The following SEC63 variants were observed in gnomAD, a reference collection of about 807,000 sequenced individuals.
SEC63 encodes the protein translocation protein SEC63 homolog.
SEC63 carries 56 observed loss-of-function variants against 116.2 expected under a neutral mutation model. The observed-to-expected ratio is 0.48, with a 90% CI of 0.39 to 0.60. The LOEUF (loss-of-function observed/expected upper bound fraction) is 0.60. Among genes scored for constraint, SEC63 ranks in the 20% least tolerant of loss-of-function variants. The pLI is 0.00. For missense variants in SEC63, 668 were observed against 900.0 expected, an observed-to-expected ratio of 0.74 and a Z score of 3.30; for synonymous variants, 273 against 294.6, an observed-to-expected ratio of 0.93 and a Z score of 0.75.
intron 1 of SEC63, among the ~76,000 whole-genome samples, chr6:107,931,610 G>A (rs981400647): frequency 3.6e-4 from 54 of 151,628 alleles, no homozygotes; most frequent in African/African-American, 1.3e-3. Flanking sequence ...TTAGCCAGGC[G>A]TGGTGGCACG....
chr6:107,886,939 T>C (rs1305995955), intron 16 of SEC63, among the ~76,000 whole-genome samples: 1 of 152,112 alleles, frequency 6.6e-6, no homozygotes, highest in African/African-American at 2.4e-5. Context: ...TTTAGTGTTT[T>C]AGTCAAGAAG....
intron 1 of SEC63, among the ~76,000 whole-genome samples, chr6:107,957,015 A>G (rs888566620): frequency 2.6e-5 from 4 of 152,250 alleles, no homozygotes; most frequent in African/African-American, 9.6e-5. Context: ...ATCAGCTTTA[A>G]GAATACCATC....
chr6:107,881,972 T>C (rs1448951112), intron 17 of SEC63, among the ~76,000 whole-genome samples: 1 of 152,194 alleles, frequency 6.6e-6, no homozygotes, highest in Non-Finnish European at 1.5e-5. Context: ...GAGTCACTGC[T>C]ACTTACCCTA....
At chr6:107,883,680 G>A (rs755296184) in intron 16 of SEC63, among the ~76,000 whole-genome samples, 5 of 150,748 alleles carry the variant, frequency 3.3e-5, no homozygotes, top group East Asian at 1.9e-4. Flanking sequence ...GGTGGTACAC[G>A]TCTGTAGTCC....
chr6:107,915,333 T>C (rs546053921), intron 4 of SEC63, among the ~76,000 whole-genome samples: 6 of 152,218 alleles, frequency 3.9e-5, no homozygotes, highest in African/African-American at 1.4e-4. Context: ...CACATAAATT[T>C]TGTATACAAT....
chr6:107,924,281 T>C (rs1212429941), intron 3 of SEC63, among the ~76,000 whole-genome samples: 4 of 141,826 alleles, frequency 2.8e-5, no homozygotes, highest in African/African-American at 1.1e-4. Context: ...AAAAAAGCCT[T>C]TAAAAAATGT....
At position 107,881,226 on chromosome 6, in the gene SEC63, T is replaced by C. The variant is rs1481625810; in HGVS notation, c.1858A>G (p.Ile620Val). The C allele has an allele frequency of 6.2e-7, 1 of 1,612,874 alleles. No homozygotes were observed. Among genetic ancestry groups the C allele is most frequent in the Non-Finnish European group, 8.5e-7 (1 of 1,179,456 alleles). ...EAEWQELQQS[I>V]QRKERALLET... Reference sequence around the variant, plus strand: ...AATAGAGCTCTCTCTTTTCGCTGTATGCTTTGTTGTAATTCTTGCCACTCC... The same window carrying C: ...AATAGAGCTCTCTCTTTTCGCTGTACGCTTTGTTGTAATTCTTGCCACTCC... The change falls in exon 18 of 21, where the codon ATA (isoleucine) becomes GTA (valine). Residue 620 changes from isoleucine to valine, a missense_variant. Transcript: ENST00000369002.
intron 1 of SEC63, among the ~76,000 whole-genome samples, chr6:107,947,135 A>G (rs1770495261): frequency 6.6e-6 from 1 of 152,116 alleles, no homozygotes; most frequent in Non-Finnish European, 1.5e-5. Context: ...CCCTATCTCT[A>G]CAAAAATTAT....
At chr6:107,910,333 G>A (rs1401167994) in intron 7 of SEC63, among the ~76,000 whole-genome samples, 1 of 152,102 alleles carries the variant, frequency 6.6e-6, no homozygotes, top group Non-Finnish European at 1.5e-5. Context: ...AGGGCATGGT[G>A]GTACACACTT....
intron 3 of SEC63, among the ~76,000 whole-genome samples, chr6:107,922,751 C>A (rs1201570304): frequency 6.6e-6 from 1 of 151,824 alleles, no homozygotes; most frequent in African/African-American, 2.4e-5. Context: ...ATGATCAATG[C>A]AATAAGAAAA....
chr6:107,872,848 G>A lies in SEC63; in HGVS notation c.2099C>T (p.Ser700Leu). The A allele has an allele frequency of 6.4e-7, 1 of 1,554,948 alleles. No homozygotes were observed. Among genetic ancestry groups the A allele is most frequent in the Non-Finnish European group, 8.7e-7 (1 of 1,146,876 alleles). ...CTGATCCAAACCCATATAGGAGTCTGATCTCAGAAACACAGTATACTGATA... is the reference window on the plus strand; with the variant it reads ...CTGATCCAAACCCATATAGGAGTCTAATCTCAGAAACACAGTATACTGATA... ...GNYQYTVFLR[S>L]DSYMGLDQIK... is the part of the protein sequence containing the mutation. Residue 700 changes from serine to leucine, a missense_variant, in exon 20 of 21, where the codon TCA becomes TTA. This residue lies in a region of SEC63 where 85 missense variants were observed against 116.3 expected (regional missense o/e 0.73). Coordinates refer to ENST00000369002, the MANE Select transcript of SEC63 (RefSeq NM_007214.5).
chr6:107,877,390 GT>G (rs1462066754), intron 18 of SEC63: 3 of 152,070 alleles, frequency 2.0e-5, no homozygotes, highest in African/African-American at 2.4e-5. Context: ...GTCCGAAATG[GT>G]TAAAAAATCA....
chr6:107,924,355 G>C (rs1342630860), intron 3 of SEC63, among the ~76,000 whole-genome samples: 1 of 151,272 alleles, frequency 6.6e-6, no homozygotes, highest in African/African-American at 2.4e-5. Context: ...GAGGTGGGCA[G>C]ATCACAAGGT....
intron 1 of SEC63, 70 bp downstream of exon 1, chr6:107,957,816 G>C: frequency 7.2e-7 from 1 of 1,395,326 alleles, no homozygotes; most frequent in South Asian, 1.6e-5. Context: ...CCGGGCAAGC[G>C]GGCGCCGCAG....
In SEC63 at chr6:107,876,550, T is replaced by C. The variant is rs981075314; in HGVS notation, c.2034+14A>G. Reference sequence around the variant, plus strand: ...GCCTTGTTAAACACTGAAATCATGTTGCTTGATAGTTACCTCCTCTGTATC... The same window carrying C: ...GCCTTGTTAAACACTGAAATCATGTCGCTTGATAGTTACCTCCTCTGTATC... On this transcript the variant is annotated intron_variant, in intron 19 of 20. Transcript: ENST00000369002. 2.0e-6 allele frequency: 3 copies of C among 1,472,406 alleles called. No homozygotes were observed. The African/African-American group carries it at 4.2e-5, about 20-fold the overall frequency. The allele number at this position is 1,472,406 out of a possible 1,614,324, so 91.2% of individuals were successfully genotyped here.
At chr6:107,939,180 G>A (rs1770318541) in intron 1 of SEC63, among the ~76,000 whole-genome samples, 1 of 152,128 alleles carries the variant, frequency 6.6e-6, no homozygotes, top group Non-Finnish European at 1.5e-5. Flanking sequence ...GTATTCAGGA[G>A]GCTGAGGCAG....
chr6:107,917,125 AAAC>A (rs1330580827), intron 4 of SEC63, among the ~76,000 whole-genome samples: 3 of 152,246 alleles, frequency 2.0e-5, no homozygotes, highest in Non-Finnish European at 4.4e-5. Context: ...CTTAAGCCAC[AAAC>A]AACAGCATGA....
chr6:107,883,881 G>A (rs929009415), intron 16 of SEC63, among the ~76,000 whole-genome samples: 25 of 151,632 alleles, frequency 1.6e-4, no homozygotes, highest in African/African-American at 5.8e-4. Context: ...AAGGTATGAT[G>A]CAGTAAGTAA....
intron 18 of SEC63, among the ~76,000 whole-genome samples, chr6:107,877,768 G>C (rs1232350486): frequency 6.6e-6 from 1 of 152,102 alleles, no homozygotes; most frequent in East Asian, 1.9e-4. Flanking sequence ...AACTAAAATT[G>C]CTGCTAAAAT....
Sources: gnomAD v4.1 joint callset for allele counts (sites outside exome capture counted in the v4.1 genomes callset) on GRCh38, gnomAD v4.1.1 for gene constraint, gnomAD v4.1.1 regional missense constraint, MANE v1.5 for transcripts, NCBI Gene and HGNC (gene_info 2026-07-23, HGNC 2026-07-21) for gene names.